COQ5: variants seen among roughly 807,000 people sequenced by gnomAD.
COQ5 encodes the protein 2-methoxy-6-polyprenyl-1,4-benzoquinol methylase, mitochondrial.
Under a neutral mutation model 40.5 loss-of-function variants are expected in COQ5, and 27 were observed. That is an observed-to-expected ratio of 0.67 (90% CI 0.49 to 0.92). The LOEUF is 0.92. Among genes scored for constraint, COQ5 ranks in the 40% least tolerant of loss-of-function variants. COQ5 has a pLI of 0.00. For synonymous variants in COQ5, 141 were observed against 150.0 expected (o/e 0.94, Z 0.44); for missense variants, 409 against 406.4 (o/e 1.01, Z -0.06).
intron 4 of COQ5, among the ~76,000 whole-genome samples, chr12:120,506,648 T>C (rs1868894673): frequency 6.7e-6 from 1 of 150,302 alleles, no homozygotes; most frequent in Non-Finnish European, 1.5e-5. Context: ...ATTACAGACT[T>C]GGGCCACCAC....
chr12:120,527,164 C>T (rs750519103), intron 1 of COQ5: 8 of 151,986 alleles, frequency 5.3e-5, no homozygotes, highest in East Asian at 1.9e-4. Context: ...ATCACTGCAA[C>T]GTCCACCTCC....
rs1347698472 is a variant in COQ5, at chr12:120,503,673, C to T, written c.*111G>A. 3.8e-6 allele frequency: 3 copies of T among 788,906 alleles called. No homozygotes were observed. Among genetic ancestry groups the T allele is most frequent in the Admixed American group, 3.9e-5 (2 of 51,216 alleles). The allele number at this position is 788,906 out of a possible 1,614,324, so 48.9% of individuals were successfully genotyped here. Reference sequence around the variant, plus strand: ...GTTCGATTCAAACATGAGTCCAAGGCACGTATCCTTAAGAGGAGATGCTCT... The same window carrying T: ...GTTCGATTCAAACATGAGTCCAAGGTACGTATCCTTAAGAGGAGATGCTCT... On this transcript the variant is annotated 3_prime_UTR_variant, in exon 7 of 7. Coordinates refer to ENST00000288532, the MANE Select transcript of COQ5 (RefSeq NM_032314.4).
chr12:120,522,535 T>C (rs563164427), intron 1 of COQ5, 172 bp from the exon 2 acceptor site: 31 of 649,100 alleles, frequency 4.8e-5, no homozygotes, highest in Non-Finnish European at 7.3e-5. Context: ...TCTTTATTGA[T>C]TTATTTTTTT....
intron 1 of COQ5, among the ~76,000 whole-genome samples, chr12:120,528,284 T>G (rs887416865): frequency 3.9e-5 from 6 of 152,134 alleles, no homozygotes; most frequent in Non-Finnish European, 5.9e-5. Context: ...AACGGGGGCT[T>G]CAGACTCAGA....
rs1593024211 is a variant in COQ5, at chr12:120,522,797, C to T, written c.203-434G>A. On this transcript the variant is annotated intron_variant, in intron 1 of 6. Coordinates refer to ENST00000288532, the MANE Select transcript of COQ5 (RefSeq NM_032314.4). ...CCCCTTGGCAATGCAGGAATGAGCACATTTCCCAAGCCTGGGGGTGGGCAA... is the reference window on the plus strand; with the variant it reads ...CCCCTTGGCAATGCAGGAATGAGCATATTTCCCAAGCCTGGGGGTGGGCAA... 1.8e-5 allele frequency: 12 copies of T among 668,580 alleles called. No homozygotes were observed. The East Asian group carries it at 2.5e-4, about 14-fold the overall frequency. The allele number at this position is 668,580 out of a possible 1,614,324, so 41.4% of individuals were successfully genotyped here.
chr12:120,522,881 C>A, intron 1 of COQ5: 1 of 723,416 alleles, frequency 1.4e-6, no homozygotes, highest in Non-Finnish European at 2.5e-6. Flanking sequence ...GCTTAACCTC[C>A]TTGGGCTTTA....
At chr12:120,515,822 T>C (rs1008874563) in intron 3 of COQ5, among the ~76,000 whole-genome samples, 2 of 152,198 alleles carry the variant, frequency 1.3e-5, no homozygotes, top group African/African-American at 4.8e-5. Flanking sequence ...CAAAAGAGCC[T>C]GGCCTCCCTT....
intron 2 of COQ5, among the ~76,000 whole-genome samples, chr12:120,521,659 A>T (rs1455353517): frequency 1.5e-5 from 2 of 136,496 alleles, no homozygotes; most frequent in Admixed American, 1.6e-4. Context: ...AGTCTGGGAG[A>T]CAGAGCAAGA....
At chr12:120,516,104 C>T (rs1173518298) in intron 3 of COQ5, among the ~76,000 whole-genome samples, 2 of 152,080 alleles carry the variant, frequency 1.3e-5, no homozygotes, top group Admixed American at 6.6e-5. Context: ...TCTTTCTTTA[C>T]AGGAGATGAG....
At chr12:120,506,040 A>C (rs1209935434) in intron 4 of COQ5, among the ~76,000 whole-genome samples, 2 of 152,044 alleles carry the variant, frequency 1.3e-5, no homozygotes, top group East Asian at 3.9e-4. Context: ...TTTTTAGTAG[A>C]AAAAGGGTTT....
At position 120,503,734 on chromosome 12, in the gene COQ5, C is replaced by T. The variant is rs753265191; in HGVS notation, c.*50G>A. The T allele has an allele frequency of 2.2e-5, 30 of 1,382,802 alleles. No individual in the cohort carries two copies. Among genetic ancestry groups the T allele is most frequent in the Non-Finnish European group, 3.1e-5 (30 of 970,708 alleles). 85.7% of individuals were successfully genotyped at this position (1,382,802 alleles called of 1,614,324 possible). A position where few individuals can be genotyped will look rare whatever the true frequency, so the allele number is the denominator to read the frequency against. ...CATTTGCCAGATTATCCTTCAGTTCCAGGCTTTCAACAGGATATGACTGGT... is the reference window on the plus strand; with the variant it reads ...CATTTGCCAGATTATCCTTCAGTTCTAGGCTTTCAACAGGATATGACTGGT... On this transcript the variant is annotated 3_prime_UTR_variant, in exon 7 of 7. Coordinates refer to ENST00000288532, the MANE Select transcript of COQ5 (RefSeq NM_032314.4).
At chr12:120,516,889 G>A in intron 2 of COQ5, 101 bp from the exon 3 acceptor site, 1 of 1,005,050 alleles carries the variant, frequency 9.9e-7, no homozygotes, top group South Asian at 1.3e-5. Context: ...AGGCACAGGA[G>A]TACCTGTGTT....
rs1868770731 is a variant in COQ5, at chr12:120,504,058, T to C, written c.794A>G (p.Gln265Arg). Reference sequence around the variant, plus strand: ...GACCTCTCCCAGGACAGGGATGACCTGGAAGCTATATAGATCATAAAGCCT... The same window carrying C: ...GACCTCTCCCAGGACAGGGATGACCCGGAAGCTATATAGATCATAAAGCCT... ...ISRLYDLYSF[Q>R]VIPVLGEVIA... The change falls in exon 6 of 7, where the codon CAG becomes CGG. Residue 265 changes from glutamine to arginine, a missense_variant. Physicochemically the swap from Gln to Arg is conservative, Grantham distance 43. Coordinates refer to ENST00000288532, the MANE Select transcript of COQ5 (RefSeq NM_032314.4). 1 of 1,610,716 alleles carries C rather than the reference T, an allele frequency of 6.2e-7. No individual in the cohort carries two copies. The highest frequency in any genetic ancestry group is 1.3e-5 in the African/African-American group (1 of 74,852).
In COQ5 at chr12:120,522,720, C is replaced by G. The variant is rs1019472058; in HGVS notation, c.203-357G>C. The G allele has an allele frequency of 6.1e-6, 4 of 657,586 alleles. No individual in the cohort carries two copies. The Admixed American group carries it at 9.6e-5, about 16-fold the overall frequency. 40.7% of individuals were successfully genotyped at this position (657,586 alleles called of 1,614,324 possible). On this transcript the variant is annotated intron_variant, in intron 1 of 6. Coordinates refer to ENST00000288532, the MANE Select transcript of COQ5 (RefSeq NM_032314.4). ...TTGGGAGCCTAAGCTGGAGCTGCAG[C>G]CTGGGCCTTGGTTTGATCTTTGGCC...
chr12:120,518,063 T>C (rs1244509503), intron 2 of COQ5, among the ~76,000 whole-genome samples: 1 of 152,112 alleles, frequency 6.6e-6, no homozygotes, highest in Admixed American at 6.6e-5. Flanking sequence ...CGCCTCGGCC[T>C]CCCAAAGTGC....
intron 3 of COQ5, among the ~76,000 whole-genome samples, chr12:120,510,583 G>A (rs1869085203): frequency 6.6e-6 from 1 of 152,162 alleles, no homozygotes; most frequent in African/African-American, 2.4e-5. Flanking sequence ...CAAAGTGCTG[G>A]AATTACAGAT....
At chr12:120,524,386 A>G (rs915251638) in intron 1 of COQ5, among the ~76,000 whole-genome samples, 10 of 151,522 alleles carry the variant, frequency 6.6e-5, no homozygotes, top group Non-Finnish European at 1.2e-4. Context: ...TCAGCCTCCC[A>G]AGTAGCTGGG....
intron 2 of COQ5, among the ~76,000 whole-genome samples, chr12:120,520,248 A>G (rs1030160121): frequency 6.6e-6 from 1 of 151,642 alleles, no homozygotes. Context: ...GGTTCCAGTG[A>G]TTCTCCTGCC....
chr12:120,522,347 T>G lies in COQ5; in HGVS notation c.219A>C (p.Glu73Asp). 1.2e-6 allele frequency: 2 copies of G among 1,613,648 alleles called. No individual in the cohort carries two copies. The highest frequency in any genetic ancestry group is 1.7e-6 in the Non-Finnish European group (2 of 1,179,610). ...TCACATCATACTTCTTAGCCACACTTTCAAACACCTGATAGACTGACATGG... is the reference window on the plus strand; with the variant it reads ...TCACATCATACTTCTTAGCCACACTGTCAAACACCTGATAGACTGACATGG... The part of the protein sequence containing the change: ...EKGGKVYQVF[E>D]SVAKKYDVMN... Residue 73 changes from glutamate to aspartate, a missense_variant, in exon 2 of 7, where the codon GAA becomes GAC. Physicochemically the swap from Glu to Asp is conservative, Grantham distance 45. Coordinates refer to ENST00000288532, the MANE Select transcript of COQ5 (RefSeq NM_032314.4).
Sources: allele counts gnomAD v4.1 joint callset (sites outside exome capture counted in the v4.1 genomes callset), GRCh38; gene constraint gnomAD v4.1.1; transcripts MANE v1.5; gene names NCBI Gene and HGNC (gene_info 2026-07-23, HGNC 2026-07-21).